Variants in TDRD1 observed in about 807,000 individuals in gnomAD.
TDRD1 encodes tudor domain containing 1.
A neutral mutation model predicts 140.6 loss-of-function variants in TDRD1; 37 were observed. That is an observed-to-expected ratio of 0.26 (90% CI 0.20 to 0.35). TDRD1 has a LOEUF of 0.35. Ranked by LOEUF, TDRD1 falls within the 10% of genes least tolerant of loss-of-function variation. TDRD1 has a pLI of 1.00. For missense variants in TDRD1, 1,243 were observed against 1,393.0 expected, an observed-to-expected ratio of 0.89 and a Z score of 1.71; for synonymous variants, 506 against 475.7, an observed-to-expected ratio of 1.06 and a Z score of -0.83.
intron 21 of TDRD1, among the ~76,000 whole-genome samples, chr10:114,223,351 C>A: frequency 6.6e-6 from 1 of 152,186 alleles, no homozygotes; most frequent in East Asian, 1.9e-4. Context: ...TGCTTTCAGT[C>A]AATAGCTGGG....
chr10:114,200,693 T>G (rs1051275773), intron 4 of TDRD1, among the ~76,000 whole-genome samples: 3 of 151,932 alleles, frequency 2.0e-5, no homozygotes, highest in African/African-American at 7.3e-5. Flanking sequence ...TGGGCTTATT[T>G]TTGTATTTTT....
At chr10:114,215,297 C>T (rs569311338) in intron 16 of TDRD1, among the ~76,000 whole-genome samples, 1 of 152,108 alleles carries the variant, frequency 6.6e-6, no homozygotes, top group East Asian at 1.9e-4. Context: ...ATTGCAGTTT[C>T]TTTCTACCAT....
chr10:114,188,275 C>T (rs1332852042), intron 2 of TDRD1, 119 bp downstream of exon 2: 6 of 821,768 alleles, frequency 7.3e-6, no homozygotes, highest in Admixed American at 3.2e-5. Context: ...ACTACCTTAC[C>T]GTATTTGCAT....
chr10:114,192,582 A>AGGCGT (rs1203206003), intron 3 of TDRD1, among the ~76,000 whole-genome samples: 1 of 152,086 alleles, frequency 6.6e-6, no homozygotes, highest in Non-Finnish European at 1.5e-5. Flanking sequence ...CTAGGATTAC[A>AGGCGT]GGCGTGAGCC....
exon 23 of TDRD1, chr10:114,227,080 G>A (rs1294936535): frequency 1.3e-6 from 2 of 1,502,488 alleles, no homozygotes; most frequent in Admixed American, 1.7e-5. Context: ...AGGATTAATG[G>A]AATTGAATGG....
chr10:114,218,668 T>C (rs1195514780), intron 18 of TDRD1, 84 bp downstream of exon 18: 4 of 1,010,816 alleles, frequency 4.0e-6, no homozygotes, highest in Non-Finnish European at 5.6e-6. Flanking sequence ...ATGTTAACAT[T>C]TCGTGTGAGT....
At chr10:114,189,500 C>T (rs954483796) in intron 2 of TDRD1, among the ~76,000 whole-genome samples, 6 of 152,182 alleles carry the variant, frequency 3.9e-5, no homozygotes, top group African/African-American at 7.2e-5. Flanking sequence ...CAAGCAATTT[C>T]GGGTTTTAGG....
intron 5 of TDRD1, among the ~76,000 whole-genome samples, 175 bp from the exon 6 acceptor site, chr10:114,202,063 G>A (rs573548180): frequency 6.0e-4 from 92 of 152,342 alleles, no homozygotes; most frequent in African/African-American, 2.0e-3. Context: ...CACACACAGG[G>A]TGTGGACCAC....
chr10:114,231,858 G>A (rs2036774458), exon 26 of TDRD1: 2 of 226,578 alleles, frequency 8.8e-6, no homozygotes, highest in Non-Finnish European at 1.7e-5. Context: ...TGAGGTGGGA[G>A]GATCCCTTGA....
intron 18 of TDRD1, among the ~76,000 whole-genome samples, chr10:114,218,997 G>T (rs1236007079): frequency 6.6e-6 from 1 of 152,202 alleles, no homozygotes; most frequent in Non-Finnish European, 1.5e-5. Flanking sequence ...TTGGGTAAAT[G>T]ATCCATAAAA....
intron 25 of TDRD1, chr10:114,231,374 C>T (rs35101269): frequency 0.082 from 72,850 of 886,988 alleles, 3,435 homozygotes; most frequent in Middle Eastern, 0.099. Context: ...GGCTTAAATG[C>T]GTAATTTCAG....
chr10:114,217,573 G>T, exon 17 of TDRD1: 1 of 1,597,748 alleles, frequency 6.3e-7, no homozygotes, highest in South Asian at 1.1e-5. Flanking sequence ...ATTTGAACAA[G>T]TCATTAGCAG....
chr10:114,210,807 G>A, intron 12 of TDRD1, 53 bp from the exon 13 acceptor site: 3 of 1,612,588 alleles, frequency 1.9e-6, no homozygotes, highest in Non-Finnish European at 2.5e-6. Context: ...GACTTGACAT[G>A]TAGAAATAAT....
At chr10:114,232,007 T>A (rs1379887469) in exon 26 of TDRD1, 1 of 152,650 alleles carries the variant, frequency 6.6e-6, no homozygotes, top group African/African-American at 2.4e-5. Context: ...TTTGTAATAT[T>A]CCCTGCATTC....
upstream of TDRD1, among the ~76,000 whole-genome samples, chr10:114,177,924 C>T (rs2032747534): frequency 1.3e-5 from 2 of 151,370 alleles, no homozygotes; most frequent in African/African-American, 4.9e-5. Flanking sequence ...CCTCCGCCTC[C>T]TGGGTGCAGG....
chr10:114,188,276 G>C, intron 2 of TDRD1, 120 bp downstream of exon 2: 1 of 810,362 alleles, frequency 1.2e-6, no homozygotes, highest in Non-Finnish European at 1.8e-6. Context: ...CTACCTTACC[G>C]TATTTGCATT....
intron 1 of TDRD1, among the ~76,000 whole-genome samples, chr10:114,182,400 G>A (rs1184187823): frequency 6.6e-6 from 1 of 152,190 alleles, no homozygotes; most frequent in East Asian, 1.9e-4. Context: ...AAATAGGGTG[G>A]ACCTTCTTTT....
chr10:114,200,028 TA>T (rs1211834456), intron 4 of TDRD1, among the ~76,000 whole-genome samples: 2 of 152,238 alleles, frequency 1.3e-5, no homozygotes, highest in East Asian at 3.8e-4. Flanking sequence ...AAGAAGCTAC[TA>T]AACCATTTTC....
At chr10:114,209,874 C>T (rs990384283) in intron 11 of TDRD1, among the ~76,000 whole-genome samples, 3 of 152,292 alleles carry the variant, frequency 2.0e-5, no homozygotes, top group Non-Finnish European at 4.4e-5. Flanking sequence ...CCTTTAATTC[C>T]TTAAAACAGT....
Sources: gnomAD v4.1 joint callset for allele counts (sites outside exome capture counted in the v4.1 genomes callset) on GRCh38, gnomAD v4.1.1 for gene constraint, MANE v1.5 for transcripts, NCBI Gene and HGNC (gene_info 2026-07-23, HGNC 2026-07-21) for gene names.